Variants in EVA1C observed in about 807,000 individuals in gnomAD.
The protein encoded by EVA1C is protein eva-1 homolog C.
A neutral mutation model predicts 45.4 loss-of-function variants in EVA1C; 25 were observed. That is an observed-to-expected ratio of 0.55 (90% CI 0.40 to 0.77). EVA1C has a LOEUF of 0.77. EVA1C is among the 30% of genes least tolerant of loss of function. The pLI, the probability that EVA1C is intolerant of heterozygous loss-of-function variation, is 0.00. For synonymous variants in EVA1C, 190 were observed against 221.2 expected (o/e 0.86, Z 1.25); for missense variants, 479 against 554.8 (o/e 0.86, Z 1.37).
chr21:32,507,093 G>T (rs1435854915), intron 7 of EVA1C, among the ~76,000 whole-genome samples: 1 of 152,190 alleles, frequency 6.6e-6, no homozygotes, highest in African/African-American at 2.4e-5. Flanking sequence ...CGAGAGGTTT[G>T]TCCCCTGATA....
chr21:32,483,243 CTATT>C (rs749594285), intron 4 of EVA1C, among the ~76,000 whole-genome samples: 101 of 152,286 alleles, frequency 6.6e-4, no homozygotes, highest in Non-Finnish European at 1.1e-3. Context: ...TGCAAATGGT[CTATT>C]TATTAAGCCC....
chr21:32,514,749 G>A lies in EVA1C; in HGVS notation c.950-65G>A, dbSNP rs561105643. 419 of 1,481,652 alleles carry A rather than the reference G, an allele frequency of 2.8e-4. 1 individual carries two copies. Among genetic ancestry groups the A allele is most frequent in the Non-Finnish European group, 3.6e-4 (399 of 1,117,792 alleles). The allele number at this position is 1,481,652 out of a possible 1,614,324, so 91.8% of individuals were successfully genotyped here. On this transcript the variant is annotated intron_variant, in intron 7 of 7. Coordinates refer to ENST00000300255, the MANE Select transcript of EVA1C (RefSeq NM_058187.5). ...GCTTGGGCAGACATCTGTTTCTGTG[G>A]GACTTGGCACTGGTGGAGTCTGCCA...
At chr21:32,426,804 T>G (rs1742495871) in intron 1 of EVA1C, among the ~76,000 whole-genome samples, 1 of 152,048 alleles carries the variant, frequency 6.6e-6, no homozygotes, top group African/African-American at 2.4e-5. Context: ...AAGTCACAAC[T>G]CTACTTAAAA....
intron 1 of EVA1C, among the ~76,000 whole-genome samples, chr21:32,438,918 G>A (rs981861162): frequency 1.3e-5 from 2 of 152,050 alleles, no homozygotes; most frequent in African/African-American, 4.8e-5. Flanking sequence ...ACTATAAAAT[G>A]AGGCAACAGA....
chr21:32,473,946 G>A, intron 4 of EVA1C: 1 of 985,436 alleles, frequency 1.0e-6, no homozygotes, highest in Non-Finnish European at 1.2e-6. Context: ...AGGACAAGAA[G>A]GGCTCTGGCA....
At chr21:32,500,190 A>ATTTTTTTTTTTTTTTTTTT (rs538897939) in intron 5 of EVA1C, among the ~76,000 whole-genome samples, 1 of 91,102 alleles carries the variant, frequency 1.1e-5, no homozygotes, top group Non-Finnish European at 2.0e-5. Context: ...TAACCACCCT[A>ATTTTTTTTTTTTTTTTTTT]TTTTTTTTTT....
intron 1 of EVA1C, among the ~76,000 whole-genome samples, chr21:32,446,629 C>T (rs1435415701): frequency 2.0e-5 from 3 of 152,306 alleles, no homozygotes; most frequent in South Asian, 2.1e-4. Context: ...AGCAGCATGC[C>T]GGAAAGGGTG....
intron 3 of EVA1C, among the ~76,000 whole-genome samples, chr21:32,465,105 C>G (rs955187696): frequency 4.6e-5 from 7 of 152,232 alleles, no homozygotes; most frequent in Non-Finnish European, 7.3e-5. Context: ...TTTATACTTT[C>G]TTCATGTGAT....
At chr21:32,459,517 T>C (rs551460798) in intron 3 of EVA1C, among the ~76,000 whole-genome samples, 1 of 152,256 alleles carries the variant, frequency 6.6e-6, no homozygotes, top group East Asian at 1.9e-4. Context: ...TCCACTTCCC[T>C]CCTTCCATGG....
chr21:32,412,420 G>T (rs1293639065), upstream of EVA1C: 1 of 154,390 alleles, frequency 6.5e-6, no homozygotes, highest in Non-Finnish European at 1.4e-5. Context: ...CAGGGCCACG[G>T]GTGCCCGGCT....
chr21:32,420,192 G>A (rs2034211697), intron 1 of EVA1C, among the ~76,000 whole-genome samples: 1 of 216 alleles, frequency 4.6e-3, no homozygotes, highest in East Asian at 0.1. Context: ...CCCATAGGGT[G>A]AAACCTGTCT....
chr21:32,418,723 C>T (rs2034148415), intron 1 of EVA1C, among the ~76,000 whole-genome samples: 1 of 151,072 alleles, frequency 6.6e-6, no homozygotes, highest in Admixed American at 6.6e-5. Context: ...ACTTCGCCTG[C>T]AAGGGTGTTG....
In EVA1C at chr21:32,514,495, G is replaced by T. The variant is rs561714022; in HGVS notation, c.950-319G>T. ...GATGAGGAAACTAAGGCACAGAAAG[G>T]TTATGAAACTTGCCCAAAGTCACAC... On this transcript the variant is annotated intron_variant, in intron 7 of 7. Coordinates refer to ENST00000300255, the MANE Select transcript of EVA1C (RefSeq NM_058187.5). Among the ~76,000 whole-genome samples, 308 of 152,290 alleles carry T rather than the reference G, an allele frequency of 2.0e-3. 2 individuals are homozygous for T. Among genetic ancestry groups the T allele is most frequent in the Non-Finnish European group, 3.7e-3 (252 of 68,024 alleles).
intron 7 of EVA1C, among the ~76,000 whole-genome samples, chr21:32,511,667 T>TGTGA (rs2037957534): frequency 6.6e-6 from 1 of 152,164 alleles, no homozygotes; most frequent in Non-Finnish European, 1.5e-5. Flanking sequence ...TAAAAGTCTA[T>TGTGA]GTGAGCCAAG....
chr21:32,503,003 GC>G (rs2037608494), intron 6 of EVA1C, among the ~76,000 whole-genome samples: 1 of 152,198 alleles, frequency 6.6e-6, no homozygotes, highest in African/African-American at 2.4e-5. Flanking sequence ...GGGCCTGAGA[GC>G]CAACCCTGTG....
intron 1 of EVA1C, among the ~76,000 whole-genome samples, chr21:32,418,891 A>G (rs1223998013): frequency 2.6e-5 from 4 of 152,132 alleles, no homozygotes; most frequent in Non-Finnish European, 1.5e-5. Flanking sequence ...GTCCTTCCAA[A>G]GTGGGTGCAC....
At chr21:32,424,502 G>A (rs2034412938) in intron 1 of EVA1C, among the ~76,000 whole-genome samples, 1 of 152,070 alleles carries the variant, frequency 6.6e-6, no homozygotes, top group Admixed American at 6.6e-5. Flanking sequence ...AGGCTTACAT[G>A]CCTCCCTTTG....
intron 1 of EVA1C, among the ~76,000 whole-genome samples, chr21:32,426,581 T>C (rs959946054): frequency 6.6e-6 from 1 of 152,066 alleles, no homozygotes. Flanking sequence ...TTGTGAACAG[T>C]GCATTCAGCA....
intron 3 of EVA1C, among the ~76,000 whole-genome samples, chr21:32,465,761 G>A (rs1051777577): frequency 6.6e-6 from 1 of 152,102 alleles, no homozygotes; most frequent in Non-Finnish European, 1.5e-5. Context: ...GCCTCTCAAA[G>A]TGCTGGGATT....
Sources: gnomAD v4.1 joint callset for allele counts (sites outside exome capture counted in the v4.1 genomes callset) on GRCh38, gnomAD v4.1.1 for gene constraint, MANE v1.5 for transcripts, NCBI Gene and HGNC (gene_info 2026-07-23, HGNC 2026-07-21) for gene names.